The following SYNPR variants were observed in gnomAD, a reference collection of about 807,000 sequenced individuals.
SYNPR encodes the protein synaptoporin.
In SYNPR, 23 loss-of-function variants were observed where a neutral mutation model predicts 32.9. The observed-to-expected ratio is 0.70, with a 90% CI of 0.50 to 0.99. SYNPR has a LOEUF of 0.99. Among genes scored for constraint, SYNPR ranks in the 50% least tolerant of loss-of-function variants. The pLI is 0.00. For missense variants in SYNPR, 318 were observed against 349.3 expected (o/e 0.91, Z 0.71); for synonymous variants, 146 against 135.9 (o/e 1.07, Z -0.52).
At chr3:63,559,717 C>A (rs200949848) in intron 4 of SYNPR, among the ~76,000 whole-genome samples, 1 of 118,438 alleles carries the variant, frequency 8.4e-6, no homozygotes. Context: ...TTTTTTTTTT[C>A]TATCTCAAAT....
At chr3:63,407,040 T>G (rs916491062) in intron 2 of SYNPR, among the ~76,000 whole-genome samples, 1 of 152,192 alleles carries the variant, frequency 6.6e-6, no homozygotes, top group East Asian at 1.9e-4. Flanking sequence ...GACCTTATAA[T>G]TGGAGGATTG....
upstream of SYNPR, among the ~76,000 whole-genome samples, chr3:63,224,951 C>T (rs1024368418): frequency 3.9e-5 from 6 of 152,184 alleles, no homozygotes; most frequent in East Asian, 3.9e-4. Flanking sequence ...CAGGGTGGAT[C>T]GTCCTGCCAG....
At position 63,460,393 on chromosome 3, in the gene SYNPR, C is replaced by A. The variant is rs1416287527; in HGVS notation, c.85-20439C>A. Among the ~76,000 whole-genome samples, 4 of 151,956 alleles carry A rather than the reference C, an allele frequency of 2.6e-5. No homozygotes were observed. The East Asian group carries it at 5.8e-4, about 22-fold the overall frequency. On this transcript the variant is annotated intron_variant, in intron 2 of 5. Coordinates refer to ENST00000478300, the MANE Select transcript of SYNPR (RefSeq NM_001130003.2). ...TGCCCTTCATTCATTTCTATGCATC[C>A]TTTGGGCAACTCAAATTATTTTGCT...
chr3:63,592,534 G>T (rs545731845), intron 4 of SYNPR, among the ~76,000 whole-genome samples: 1 of 152,148 alleles, frequency 6.6e-6, no homozygotes. Context: ...AAGTTAAGTG[G>T]ATGGTTAGGA....
chr3:63,381,131 T>C (rs1447578489), intron 2 of SYNPR, among the ~76,000 whole-genome samples: 13 of 152,156 alleles, frequency 8.5e-5, no homozygotes, highest in Non-Finnish European at 8.8e-5. Context: ...TTGCAGATGA[T>C]AAGATTGTAT....
At chr3:63,469,354 G>T (rs115784271) in intron 2 of SYNPR, among the ~76,000 whole-genome samples, 1 of 152,074 alleles carries the variant, frequency 6.6e-6, no homozygotes, top group Non-Finnish European at 1.5e-5. Flanking sequence ...GTGTGCATGA[G>T]CTCATCATGC....
In SYNPR at chr3:63,552,043, G is replaced by A. The variant is rs376615459; in HGVS notation, c.210-4500G>A. 5.1e-3 allele frequency among the ~76,000 whole-genome samples: 767 copies of A among 151,874 alleles called. 5 individuals carry two copies. Among genetic ancestry groups the A allele is most frequent in the African/African-American group, 0.018 (737 of 41,420 alleles). On this transcript the variant is annotated intron_variant, in intron 3 of 5. Coordinates refer to ENST00000478300, the MANE Select transcript of SYNPR (RefSeq NM_001130003.2). ...CTCCCGAGTAGCTGGGATTACAGGT[G>A]CCCGCCACCATGTCTGGCTAATTTT...
chr3:63,480,247 A>G lies in SYNPR; in HGVS notation c.85-585A>G, dbSNP rs1197903215. On this transcript the variant is annotated intron_variant, in intron 2 of 5. Transcript: ENST00000478300. Reference sequence around the variant, plus strand: ...CTTAGAAACAGCAACCAACACAGAGATGTAACCACCAGTGAAAGTTGGAAG... The same window carrying G: ...CTTAGAAACAGCAACCAACACAGAGGTGTAACCACCAGTGAAAGTTGGAAG... Among the ~76,000 whole-genome samples the G allele has an allele frequency of 2.0e-5, 3 of 152,202 alleles. No homozygotes were observed. In the East Asian group the frequency reaches 5.8e-4, roughly 29 times the overall value.
chr3:63,333,573 C>T (rs376979975), intron 2 of SYNPR, among the ~76,000 whole-genome samples: 228 of 152,170 alleles, frequency 1.5e-3, no homozygotes, highest in Middle Eastern at 0.01. Context: ...CACACCACCA[C>T]GCTCAGCTTA....
At chr3:63,206,028 T>C in the SYNPR span, among the ~76,000 whole-genome samples, 1 of 152,164 alleles carries the variant, frequency 6.6e-6, no homozygotes, top group African/African-American at 2.4e-5. Context: ...TCTTCTGTTT[T>C]CCCCTCTATA....
At chr3:63,313,458 T>G (rs4688394) in intron 2 of SYNPR, among the ~76,000 whole-genome samples, 8 of 150,744 alleles carry the variant, frequency 5.3e-5, no homozygotes, top group Non-Finnish European at 1.2e-4. Context: ...GTGAGAACAT[T>G]CAATGTGTGG....
At chr3:63,278,902 G>C (rs778285372) in intron 2 of SYNPR, among the ~76,000 whole-genome samples, 160 bp downstream of exon 2, 5 of 152,236 alleles carry the variant, frequency 3.3e-5, no homozygotes, top group Non-Finnish European at 7.3e-5. Context: ...GCCGTTCCAA[G>C]GTGGTGAGGA....
the SYNPR span, among the ~76,000 whole-genome samples, chr3:63,200,879 G>A: frequency 6.6e-6 from 1 of 152,106 alleles, no homozygotes; most frequent in African/African-American, 2.4e-5. Context: ...TGTGTTTTTA[G>A]TTTAGCCCAA....
chr3:63,541,936 C>A (rs1169949543), intron 3 of SYNPR, among the ~76,000 whole-genome samples: 1 of 152,016 alleles, frequency 6.6e-6, no homozygotes, highest in African/African-American at 2.4e-5. Flanking sequence ...AGAGGAAAGA[C>A]AGAGAAGAAA....
chr3:63,433,179 A>C (rs1700022881), intron 2 of SYNPR, among the ~76,000 whole-genome samples: 1 of 152,222 alleles, frequency 6.6e-6, no homozygotes, highest in Non-Finnish European at 1.5e-5. Context: ...ATGTCAGAAC[A>C]AGTGGCGCTA....
intron 1 of SYNPR, among the ~76,000 whole-genome samples, chr3:63,243,875 A>T (rs1011090086): frequency 3.3e-5 from 5 of 152,046 alleles, no homozygotes; most frequent in Non-Finnish European, 7.4e-5. Context: ...AATAAAAAAA[A>T]CAAAAACAAA....
chr3:63,505,116 A>G (rs559419647), intron 3 of SYNPR, among the ~76,000 whole-genome samples: 1 of 152,278 alleles, frequency 6.6e-6, no homozygotes, highest in East Asian at 1.9e-4. Context: ...GAGCTCCCAC[A>G]CTGGGCCAGC....
chr3:63,441,735 T>A (rs1482539077), intron 2 of SYNPR, among the ~76,000 whole-genome samples: 1 of 152,146 alleles, frequency 6.6e-6, no homozygotes, highest in Non-Finnish European at 1.5e-5. Flanking sequence ...AAAGGGGCCA[T>A]GGGGCATGTA....
chr3:63,270,975 TTCCTTCCTTCCTTCCTTCCTTTTCTTTCC>T lies in SYNPR; in HGVS notation n.287+3528_287+3556del, dbSNP rs1560174675. ...CTTCCTTCCTTCCTTCCTTCTTTTC[TTCCTTCCTTCCTTCCTTCCTTTTCTTTCC>T]TTCCTTCCTTCCTTCCTTCTTTCCT... On this transcript the variant is annotated intron_variant and non_coding_transcript_variant, in intron 3 of 4. Transcript: ENST00000478456. 5.5e-3 allele frequency among the ~76,000 whole-genome samples: 187 copies of T among 34,078 alleles called. 1 individual carries two copies. Among genetic ancestry groups the T allele is most frequent in the Middle Eastern group, 0.047 (3 of 64 alleles). 22.4% of individuals were successfully genotyped at this position (34,078 alleles called of 152,430 possible).
Sources: gnomAD v4.1 joint callset for allele counts (sites outside exome capture counted in the v4.1 genomes callset) on GRCh38, gnomAD v4.1.1 for gene constraint, MANE v1.5 for transcripts, NCBI Gene and HGNC (gene_info 2026-07-23, HGNC 2026-07-21) for gene names.